The following TMOD1 variants were observed in gnomAD, a reference collection of about 807,000 sequenced individuals.
TMOD1 encodes the protein tropomodulin 1.
In TMOD1, 17 loss-of-function variants were observed where a neutral mutation model predicts 40.6. That is an observed-to-expected ratio of 0.42 (90% CI 0.29 to 0.63). TMOD1 has a LOEUF of 0.63. Ranked by LOEUF, TMOD1 falls within the 20% of genes least tolerant of loss-of-function variation. TMOD1 has a pLI of 0.22. For synonymous variants in TMOD1, 181 were observed against 175.0 expected (o/e 1.03, Z -0.27); for missense variants, 391 against 447.6 (o/e 0.87, Z 1.14).
At chr9:97,517,431 A>G (rs975427619) in intron 1 of TMOD1, among the ~76,000 whole-genome samples, 3 of 152,230 alleles carry the variant, frequency 2.0e-5, no homozygotes, top group African/African-American at 7.2e-5. Flanking sequence ...GCTGACCCCA[A>G]GGGTCTGGCC....
chr9:97,518,930 A>G (rs1829872136), intron 1 of TMOD1, among the ~76,000 whole-genome samples: 1 of 152,242 alleles, frequency 6.6e-6, no homozygotes, highest in African/African-American at 2.4e-5. Flanking sequence ...TAAAGGATGG[A>G]CTTTCTAAGT....
chr9:97,511,774 A>C (rs537672709), intron 1 of TMOD1, among the ~76,000 whole-genome samples: 1 of 152,226 alleles, frequency 6.6e-6, no homozygotes, highest in African/African-American at 2.4e-5. Context: ...TTGTAGAGAC[A>C]AGGTCTCACC....
At chr9:97,567,626 G>A (rs1258322427) in intron 7 of TMOD1, among the ~76,000 whole-genome samples, 1 of 152,208 alleles carries the variant, frequency 6.6e-6, no homozygotes, top group East Asian at 1.9e-4. Flanking sequence ...GCCAGGCCAG[G>A]CCTTTCCTGG....
chr9:97,581,455 A>G (rs1362487442), intron 8 of TMOD1, among the ~76,000 whole-genome samples: 1 of 152,022 alleles, frequency 6.6e-6, no homozygotes, highest in Non-Finnish European at 1.5e-5. Context: ...CAATAAACAT[A>G]CGTGTGCAGG....
intron 1 of TMOD1, among the ~76,000 whole-genome samples, chr9:97,521,297 C>G (rs1223792391): frequency 1.3e-5 from 2 of 152,210 alleles, no homozygotes; most frequent in Non-Finnish European, 2.9e-5. Flanking sequence ...CACATACCAA[C>G]ATTTTTGAAG....
chr9:97,601,319 G>A lies in TMOD1; in HGVS notation c.*1621G>A, dbSNP rs1160358106. Reference sequence around the variant, plus strand: ...CATGTGCCTGGCACACTGGCCAGAAGACTGGGCAGCCACCATGGCAGTGCT... The same window carrying A: ...CATGTGCCTGGCACACTGGCCAGAAAACTGGGCAGCCACCATGGCAGTGCT... On this transcript the variant is annotated 3_prime_UTR_variant, in exon 10 of 10. Coordinates refer to ENST00000259365, the MANE Select transcript of TMOD1 (RefSeq NM_003275.4). 5 of 1,157,192 alleles carry A rather than the reference G, an allele frequency of 4.3e-6. No individual in the cohort carries two copies. Among genetic ancestry groups the A allele is most frequent in the Non-Finnish European group, 5.4e-6 (5 of 921,964 alleles). The allele number at this position is 1,157,192 out of a possible 1,614,324, so 71.7% of individuals were successfully genotyped here.
At chr9:97,561,489 A>G (rs538113704) in intron 4 of TMOD1, among the ~76,000 whole-genome samples, 8 of 152,348 alleles carry the variant, frequency 5.3e-5, no homozygotes, top group Admixed American at 1.3e-4. Context: ...GGGCATCAGG[A>G]ATTTCAACAG....
At chr9:97,503,037 C>A (rs1333009487) in intron 1 of TMOD1, among the ~76,000 whole-genome samples, 1 of 152,216 alleles carries the variant, frequency 6.6e-6, no homozygotes, top group African/African-American at 2.4e-5. Context: ...CCAAGCTCCT[C>A]CGTGTCTGAA....
chr9:97,519,171 T>C (rs1460390615), intron 1 of TMOD1, among the ~76,000 whole-genome samples: 1 of 152,148 alleles, frequency 6.6e-6, no homozygotes, highest in African/African-American at 2.4e-5. Context: ...CCGTGAAAGA[T>C]TTAAAAGAGC....
chr9:97,554,047 A>G (rs967143999), intron 4 of TMOD1, among the ~76,000 whole-genome samples: 2 of 152,148 alleles, frequency 1.3e-5, no homozygotes, highest in Non-Finnish European at 2.9e-5. Flanking sequence ...CCATCCCCAC[A>G]GGAAGGTCAG....
chr9:97,563,013 C>T (rs1053036434), intron 5 of TMOD1, among the ~76,000 whole-genome samples, 192 bp downstream of exon 5: 5 of 152,130 alleles, frequency 3.3e-5, no homozygotes, highest in African/African-American at 1.2e-4. Context: ...AAATGTTCTC[C>T]TATATTTTCT....
chr9:97,512,322 A>C (rs1037636952), intron 1 of TMOD1, among the ~76,000 whole-genome samples: 7 of 152,232 alleles, frequency 4.6e-5, no homozygotes, highest in African/African-American at 1.7e-4. Context: ...GTTGGTAGAA[A>C]TGTAAAATTG....
chr9:97,590,234 G>T (rs28469003), intron 8 of TMOD1, among the ~76,000 whole-genome samples: 33 of 150,744 alleles, frequency 2.2e-4, no homozygotes, highest in Non-Finnish European at 3.7e-4. Context: ...TTTATTTTTT[G>T]TTTTTTGGAG....
intron 7 of TMOD1, among the ~76,000 whole-genome samples, 183 bp downstream of exon 7, chr9:97,566,138 C>T (rs80156994): frequency 0.014 from 2,057 of 152,232 alleles, 34 homozygotes; most frequent in African/African-American, 0.045. Context: ...ACCACCTACA[C>T]GTCATCCTGG....
intron 8 of TMOD1, among the ~76,000 whole-genome samples, chr9:97,575,474 C>T (rs759380763): frequency 2.6e-5 from 4 of 152,246 alleles, no homozygotes; most frequent in Non-Finnish European, 5.9e-5. Context: ...AAAGCTACCT[C>T]AGGATGGAGC....
intron 8 of TMOD1, among the ~76,000 whole-genome samples, chr9:97,578,835 G>C (rs1387101893): frequency 6.6e-6 from 1 of 152,198 alleles, no homozygotes; most frequent in Non-Finnish European, 1.5e-5. Context: ...TTCACTCAGG[G>C]GAGACCAGTA....
intron 4 of TMOD1, among the ~76,000 whole-genome samples, chr9:97,559,961 C>A (rs1830612862): frequency 6.6e-6 from 1 of 150,522 alleles, no homozygotes; most frequent in African/African-American, 2.5e-5. Context: ...CTGGTCTTGT[C>A]TCAAGCCCTC....
At chr9:97,529,936 A>G (rs1830073526) in intron 2 of TMOD1, among the ~76,000 whole-genome samples, 2 of 152,216 alleles carry the variant, frequency 1.3e-5, no homozygotes, top group South Asian at 4.1e-4. Flanking sequence ...GGGTTCAGTC[A>G]TTAGCCCCAT....
At position 97,600,715 on chromosome 9, in the gene TMOD1, G is replaced by GGT; in HGVS notation, c.*1019_*1020dup. ...AAGCCTCCGCAGGATGCCGGACAAT[G>GGT]GTGAAGAAACTCCAGATATCAAGGA... is the stretch of plus-strand genomic sequence containing the variant. On this transcript the variant is annotated 3_prime_UTR_variant, in exon 10 of 10. Coordinates refer to ENST00000259365, the MANE Select transcript of TMOD1 (RefSeq NM_003275.4). 9.9e-7 allele frequency: 1 copy of GGT among 1,005,840 alleles called. No individual in the cohort carries two copies. Among genetic ancestry groups the GGT allele is most frequent in the Non-Finnish European group, 1.2e-6 (1 of 842,380 alleles). The allele number at this position is 1,005,840 out of a possible 1,614,324, so 62.3% of individuals were successfully genotyped here.
Sources: gnomAD v4.1 joint callset for allele counts (sites outside exome capture counted in the v4.1 genomes callset) on GRCh38, gnomAD v4.1.1 for gene constraint, MANE v1.5 for transcripts, NCBI Gene and HGNC (gene_info 2026-07-23, HGNC 2026-07-21) for gene names.